Variants in CCDC178 observed in about 807,000 individuals in gnomAD.
CCDC178 encodes the protein coiled-coil domain-containing protein 178.
CCDC178 carries 126 observed loss-of-function variants against 117.4 expected under a neutral mutation model. The ratio of observed to expected loss-of-function variants is 1.07; its 90% confidence interval spans 0.93 to 1.24. The LOEUF is 1.24. Ranked by LOEUF, CCDC178 falls within the 50% of genes most tolerant of loss-of-function variation. The probability of loss-of-function intolerance (pLI) is 0.00; values close to 1 mark genes in which losing one functional copy is unlikely to be tolerated. For missense variants in CCDC178, 1,030 were observed against 986.9 expected, an observed-to-expected ratio of 1.04 and a Z score of -0.59; for synonymous variants, 283 against 313.4, an observed-to-expected ratio of 0.90 and a Z score of 1.02.
chr18:33,325,609 T>C (rs1364432244), intron 10 of CCDC178, among the ~76,000 whole-genome samples: 1 of 152,156 alleles, frequency 6.6e-6, no homozygotes, highest in South Asian at 2.1e-4. Flanking sequence ...GGTTAGATCA[T>C]ACGCAAGTGC....
At chr18:33,258,476 A>G (rs955031667) in intron 14 of CCDC178, among the ~76,000 whole-genome samples, 4 of 152,194 alleles carry the variant, frequency 2.6e-5, no homozygotes, top group African/African-American at 9.6e-5. Context: ...TTCTTGCTAA[A>G]GCAGAGTCCT....
intron 21 of CCDC178, among the ~76,000 whole-genome samples, chr18:33,057,681 G>C (rs566083352): frequency 1.3e-5 from 2 of 151,950 alleles, no homozygotes; most frequent in Non-Finnish European, 2.9e-5. Context: ...TTTTAGTAGA[G>C]AAAGGTTTCA....
chr18:33,327,499 A>G (rs1255161986), intron 10 of CCDC178, among the ~76,000 whole-genome samples: 1 of 152,036 alleles, frequency 6.6e-6, no homozygotes, highest in Non-Finnish European at 1.5e-5. Context: ...GAATATTGTA[A>G]TTCTGTGTTT....
intron 21 of CCDC178, among the ~76,000 whole-genome samples, chr18:32,986,584 C>G (rs2055268695): frequency 6.6e-6 from 1 of 151,934 alleles, no homozygotes; most frequent in Non-Finnish European, 1.5e-5. Flanking sequence ...TAAACTGAAA[C>G]TGAGAGTTTA....
intron 20 of CCDC178, among the ~76,000 whole-genome samples, chr18:33,132,468 T>C (rs2058077537): frequency 6.6e-6 from 1 of 151,766 alleles, no homozygotes; most frequent in African/African-American, 2.4e-5. Context: ...AAGTTTTTTC[T>C]TTAAAGACTG....
In CCDC178 at chr18:33,073,543, CTATCTATCTATA is replaced by C. The variant is rs879577768; in HGVS notation, c.2388+19206_2388+19217del. ...TCTATCTATCTATCTATCTATCTAT[CTATCTATCTATA>C]TATATATCTTTGCAGACTTTCAGAT... is the stretch of plus-strand genomic sequence containing the variant. On this transcript the variant is annotated intron_variant, in intron 21 of 22. Coordinates refer to ENST00000383096, the MANE Select transcript of CCDC178 (RefSeq NM_001105528.4). Among the ~76,000 whole-genome samples the C allele has an allele frequency of 6.1e-3, 868 of 143,450 alleles. 10 individuals are homozygous for C. Among genetic ancestry groups the C allele is most frequent in the African/African-American group, 0.015 (591 of 38,456 alleles). The allele number at this position is 143,450 out of a possible 152,430, so 94.1% of individuals were successfully genotyped here.
intron 11 of CCDC178, among the ~76,000 whole-genome samples, chr18:33,319,354 C>T (rs2144992012): frequency 6.6e-6 from 1 of 152,124 alleles, no homozygotes; most frequent in East Asian, 1.9e-4. Flanking sequence ...ATCCATGTCC[C>T]TACAAAGGAC....
intron 20 of CCDC178, among the ~76,000 whole-genome samples, chr18:33,146,531 A>G (rs1187468358): frequency 2.0e-5 from 3 of 152,132 alleles, no homozygotes; most frequent in Non-Finnish European, 2.9e-5. Context: ...ATGGTGGCAT[A>G]TGGGAAGCTA....
At chr18:33,317,166 G>A (rs2062431316) in intron 11 of CCDC178, among the ~76,000 whole-genome samples, 2 of 152,098 alleles carry the variant, frequency 1.3e-5, no homozygotes, top group Admixed American at 1.3e-4. Context: ...TCTTGCTACT[G>A]CTCACTCTTT....
intron 6 of CCDC178, among the ~76,000 whole-genome samples, chr18:33,365,746 A>G (rs968352331): frequency 6.6e-6 from 1 of 152,128 alleles, no homozygotes; most frequent in Non-Finnish European, 1.5e-5. Flanking sequence ...TTAAATGAAG[A>G]GGAAAATTTT....
chr18:33,061,053 C>G (rs1318779992), intron 21 of CCDC178, among the ~76,000 whole-genome samples: 2 of 151,978 alleles, frequency 1.3e-5, no homozygotes, highest in African/African-American at 2.4e-5. Context: ...AATTATTTAG[C>G]AAGTTTTCCA....
chr18:32,963,401 C>T (rs537347144), intron 22 of CCDC178, among the ~76,000 whole-genome samples: 59 of 152,090 alleles, frequency 3.9e-4, no homozygotes, highest in Non-Finnish European at 6.3e-4. Flanking sequence ...TGAAGTAATT[C>T]TTCCTATTTC....
At chr18:33,165,880 A>G (rs2144401038) in intron 20 of CCDC178, among the ~76,000 whole-genome samples, 1 of 152,320 alleles carries the variant, frequency 6.6e-6, no homozygotes, top group South Asian at 2.1e-4. Context: ...ATTAATATCA[A>G]TTTTATTTTA....
At chr18:33,002,363 T>C (rs1325266451) in intron 21 of CCDC178, among the ~76,000 whole-genome samples, 3 of 150,948 alleles carry the variant, frequency 2.0e-5, no homozygotes, top group Admixed American at 2.0e-4. Context: ...AAAAAAAAAC[T>C]AGAAATTATT....
At position 33,346,507 on chromosome 18, in the gene CCDC178, T is replaced by C. The variant is rs1217448033; in HGVS notation, c.458-96A>G. On this transcript the variant is annotated intron_variant, in intron 8 of 22. Transcript: ENST00000383096. ...TTAGTTGTATTATTATATTTTTCTA[T>C]ATATTTAATAAGAGAATGTTAGAAA... is the stretch of plus-strand genomic sequence containing the variant. 3 of 517,086 alleles carry C rather than the reference T, an allele frequency of 5.8e-6. No individual in the cohort carries two copies. The African/African-American group carries it at 6.0e-5, about 10-fold the overall frequency. 32.0% of individuals were successfully genotyped at this position (517,086 alleles called of 1,614,324 possible).
intron 21 of CCDC178, among the ~76,000 whole-genome samples, chr18:33,031,081 A>G (rs1309019024): frequency 6.6e-6 from 1 of 151,692 alleles, no homozygotes; most frequent in African/African-American, 2.4e-5. Flanking sequence ...ATTAAAATTG[A>G]CTCCTAAAAT....
chr18:33,188,560 T>TC (rs34357465), intron 20 of CCDC178, among the ~76,000 whole-genome samples: 24,501 of 152,046 alleles, frequency 0.16, 2,751 homozygotes, highest in African/African-American at 0.32. Flanking sequence ...ACCTGCTGGT[T>TC]TAAGGTGTAA....
At chr18:33,099,433 A>G (rs2057591305) in intron 20 of CCDC178, among the ~76,000 whole-genome samples, 1 of 151,928 alleles carries the variant, frequency 6.6e-6, no homozygotes, top group South Asian at 2.1e-4. Context: ...TAAAGCAGGT[A>G]TTGGTGCGGA....
At chr18:33,219,202 A>C (rs556159127) in intron 18 of CCDC178, among the ~76,000 whole-genome samples, 1 of 152,238 alleles carries the variant, frequency 6.6e-6, no homozygotes, top group Admixed American at 6.5e-5. Context: ...ACATCAGAGA[A>C]ATGCAAATCA....
Sources: allele counts gnomAD v4.1 joint callset (sites outside exome capture counted in the v4.1 genomes callset), GRCh38; gene constraint gnomAD v4.1.1; transcripts MANE v1.5; gene names NCBI Gene and HGNC (gene_info 2026-07-23, HGNC 2026-07-21).